The following NOTCH2NLC variants were observed in gnomAD, a reference collection of about 807,000 sequenced individuals.
The protein encoded by NOTCH2NLC is notch 2 N-terminal like C, also known as notch homolog 2 N-terminal-like protein C.
In NOTCH2NLC, 4 loss-of-function variants were observed where a neutral mutation model predicts 17.7. The observed-to-expected ratio is 0.23, with a 90% CI of 0.11 to 0.52. The LOEUF is 0.52. Among genes scored for constraint, NOTCH2NLC ranks in the 20% least tolerant of loss-of-function variants. NOTCH2NLC has a pLI of 0.96. For missense variants in NOTCH2NLC, 57 were observed against 207.2 expected (o/e 0.28, Z 4.45); for synonymous variants, 18 against 86.0 (o/e 0.21, Z 4.38).
intron 1 of NOTCH2NLC, among the ~76,000 whole-genome samples, chr1:149,430,500 T>G (rs2101488806): frequency 6.8e-6 from 1 of 147,790 alleles, no homozygotes; most frequent in African/African-American, 2.5e-5. Flanking sequence ...GCAGTCCGTT[T>G]TAAAACTTCA....
intron 1 of NOTCH2NLC, among the ~76,000 whole-genome samples, chr1:149,410,162 A>G (rs1366017465): frequency 9.0e-6 from 1 of 111,186 alleles, no homozygotes; most frequent in Non-Finnish European, 1.9e-5. Flanking sequence ...CAGAGACCCC[A>G]TGAGATCTAA....
chr1:149,454,314 AG>A (rs2084604118), intron 2 of NOTCH2NLC, among the ~76,000 whole-genome samples: 1 of 53,098 alleles, frequency 1.9e-5, no homozygotes, highest in African/African-American at 7.5e-5. Context: ...ATTTATAGTT[AG>A]AATCAAAGTG....
At chr1:149,429,224 C>G (rs2084430115) in intron 1 of NOTCH2NLC, among the ~76,000 whole-genome samples, 1 of 150,456 alleles carries the variant, frequency 6.6e-6, no homozygotes, top group African/African-American at 2.5e-5. Flanking sequence ...GTCCTAGGCC[C>G]AGCACTGCCA....
chr1:149,398,254 A>G (rs1400074229), intron 1 of NOTCH2NLC, among the ~76,000 whole-genome samples: 1 of 150,516 alleles, frequency 6.6e-6, no homozygotes, highest in African/African-American at 2.5e-5. Flanking sequence ...TGGGGAAAAG[A>G]CAAAAACCCC....
intron 1 of NOTCH2NLC, among the ~76,000 whole-genome samples, chr1:149,424,225 AAG>A: frequency 6.6e-6 from 1 of 151,496 alleles, no homozygotes; most frequent in South Asian, 2.1e-4. Context: ...GAATAAATAA[AAG>A]AGCCTTGTCT....
intron 1 of NOTCH2NLC, among the ~76,000 whole-genome samples, chr1:149,417,400 G>A (rs1312040964): frequency 2.6e-5 from 4 of 151,162 alleles, no homozygotes; most frequent in Non-Finnish European, 5.9e-5. Flanking sequence ...GAGCCACCGC[G>A]CCCGGCCGGA....
intron 2 of NOTCH2NLC, among the ~76,000 whole-genome samples, chr1:149,454,813 A>G (rs1398763512): frequency 1.3e-5 from 2 of 149,550 alleles, no homozygotes; most frequent in African/African-American, 2.5e-5. Flanking sequence ...CTATTTCTCA[A>G]TGCTTAATTG....
At position 149,445,901 on chromosome 1, in the gene NOTCH2NLC, TAAAAAAAAAA is replaced by T. The variant is rs1182076544; in HGVS notation, c.210-9402_210-9393del. Among the ~76,000 whole-genome samples the T allele has an allele frequency of 1.1e-3, 77 of 72,606 alleles. 5 individuals are homozygous for T. The highest frequency in any genetic ancestry group is 3.3e-4 in the Admixed American group (2 of 6,104). The allele number at this position is 72,606 out of a possible 152,430, so 47.6% of individuals were successfully genotyped here. On this transcript the variant is annotated intron_variant, in intron 2 of 4. Transcript: ENST00000650865. ...TTTTTGAATGGCCAAATCCTCGTTT[TAAAAAAAAAA>T]AAAAAAAAAAAAAAGCTAAAGACAG...
At chr1:149,400,195 T>C (rs1365158062) in intron 1 of NOTCH2NLC, among the ~76,000 whole-genome samples, 5 of 138,776 alleles carry the variant, frequency 3.6e-5, no homozygotes, top group Admixed American at 7.3e-5. Context: ...ACACACATAA[T>C]ATACTATTGT....
intron 1 of NOTCH2NLC, among the ~76,000 whole-genome samples, chr1:149,399,187 A>G (rs1426063731): frequency 1.3e-5 from 2 of 151,220 alleles, no homozygotes; most frequent in Admixed American, 6.6e-5. Context: ...TGAGGCAGGC[A>G]TGTTTTAAAA....
At chr1:149,423,969 A>T (rs1394916153) in intron 1 of NOTCH2NLC, among the ~76,000 whole-genome samples, 1 of 150,464 alleles carries the variant, frequency 6.6e-6, no homozygotes, top group African/African-American at 2.4e-5. Flanking sequence ...TTAATTACTC[A>T]TGTTAGAGAT....
intron 2 of NOTCH2NLC, among the ~76,000 whole-genome samples, chr1:149,440,744 A>AATGACACAGTTTCAAACGTTTTCTTC: frequency 9.0e-6 from 1 of 110,908 alleles, no homozygotes; most frequent in Admixed American, 9.8e-5. Context: ...ACGTTTTCTT[A>AATGACACAGTTTCAAACGTTTTCTTC]ATGACACAGT....
Position 149,390,829 on chromosome 1 carries a change from C to CGGCGGCGGCGGA in NOTCH2NLC, c.44_45insCGGCGGCGGAGG (p.Gly15_Gly18dup), listed in dbSNP as rs1165196975. The stretch of plus-strand genomic sequence containing the variant: ...GCGGCGGCGGCGGCGGCGGCGGCGG[C>CGGCGGCGGCGGA]GGAGGAGGCGGCGACCGAGAAGATG... On this transcript the variant is annotated inframe_insertion, in exon 1 of 5. Coordinates refer to ENST00000650865, the MANE Select transcript of NOTCH2NLC (RefSeq NM_001364013.2). 2.0e-4 allele frequency: 258 copies of CGGCGGCGGCGGA among 1,285,808 alleles called. 14 individuals are homozygous for CGGCGGCGGCGGA. The highest frequency in any genetic ancestry group is 2.2e-4 in the Non-Finnish European group (222 of 1,011,226). The allele number at this position is 1,285,808 out of a possible 1,614,324, so 79.6% of individuals were successfully genotyped here.
chr1:149,449,779 G>A (rs1458360587), intron 2 of NOTCH2NLC, among the ~76,000 whole-genome samples: 1 of 151,418 alleles, frequency 6.6e-6, no homozygotes, highest in African/African-American at 2.4e-5. Context: ...CTACTGCTTA[G>A]TAGTCACTGT....
At chr1:149,461,664 T>C (rs1303302288) in intron 3 of NOTCH2NLC, among the ~76,000 whole-genome samples, 26 of 151,508 alleles carry the variant, frequency 1.7e-4, no homozygotes, top group African/African-American at 6.0e-4. Context: ...ATCGTGCTGC[T>C]ATAAAGACAC....
intron 1 of NOTCH2NLC, among the ~76,000 whole-genome samples, chr1:149,399,142 G>T (rs1291782996): frequency 1.3e-5 from 2 of 151,180 alleles, no homozygotes; most frequent in African/African-American, 4.9e-5. Context: ...TGTACAAGAA[G>T]CTGTGGTTAC....
chr1:149,437,968 C>T (rs1179632633), intron 2 of NOTCH2NLC, among the ~76,000 whole-genome samples: 2 of 149,570 alleles, frequency 1.3e-5, no homozygotes, highest in Non-Finnish European at 1.5e-5. Context: ...AAATAATTCA[C>T]TCAAGATCCC....
rs1222766879 is a variant in NOTCH2NLC at position 149,464,080 on chromosome 1, CAGTG to C, written c.812_815del (p.Val271GlufsTer32). The C allele has an allele frequency of 2.7e-5, 15 of 560,488 alleles. No homozygotes were observed. Among genetic ancestry groups the C allele is most frequent in the Admixed American group, 7.1e-5 (2 of 28,278 alleles). The allele number at this position is 560,488 out of a possible 1,614,324, so 34.7% of individuals were successfully genotyped here. The stretch of plus-strand genomic sequence containing the variant: ...TTGTTTATTGTCCCTTTTGTAGAAA[CAGTG>C]AGAAGAGGAACAGAGCTCTGGGAAA... On this transcript the variant is annotated frameshift_variant, in exon 5 of 5. Transcript: ENST00000650865. LOFTEE classifies it high-confidence loss of function.
chr1:149,394,399 G>T (rs1396233074), intron 1 of NOTCH2NLC, among the ~76,000 whole-genome samples: 2 of 151,100 alleles, frequency 1.3e-5, no homozygotes, highest in Non-Finnish European at 3.0e-5. Context: ...TCTGACTCAA[G>T]AATTTTAAAA....
Sources: gnomAD v4.1 joint callset for allele counts (sites outside exome capture counted in the v4.1 genomes callset) on GRCh38, gnomAD v4.1.1 for gene constraint, MANE v1.5 for transcripts, NCBI Gene and HGNC (gene_info 2026-07-23, HGNC 2026-07-21) for gene names.